Variants in ABCA3 observed in about 807,000 individuals in gnomAD.
The protein encoded by ABCA3 is phospholipid-transporting ATPase ABCA3.
Under a neutral mutation model 172.8 loss-of-function variants are expected in ABCA3, and 88 were observed. The ratio of observed to expected loss-of-function variants is 0.51; its 90% confidence interval spans 0.43 to 0.61. The LOEUF (loss-of-function observed/expected upper bound fraction) is 0.61. ABCA3 is among the 20% of genes least tolerant of loss of function. ABCA3 has a pLI of 0.00. For synonymous variants in ABCA3, 1,066 were observed against 983.8 expected (o/e 1.08, Z -1.56); for missense variants, 2,164 against 2,301.0 (o/e 0.94, Z 1.22).
In ABCA3 at chr16:2,288,299, T is replaced by G; in HGVS notation, c.2731A>C (p.Met911Leu). Residue 911 changes from methionine to leucine, a missense_variant, in exon 21 of 33, where the codon ATG (methionine) becomes CTG (leucine). This residue lies in a region of ABCA3 where 1,343 missense variants were observed against 1,369.6 expected (regional missense o/e 0.98). Transcript: ENST00000301732. ...LALHCQQFWA[M>L]FLKKAAYSWR... The stretch of plus-strand genomic sequence containing the variant: ...CTGTATGCGGCCTTCTTCAGGAACA[T>G]GGCCCAGAATTGCTGGCAGTGCAGG... 1 of 1,571,734 alleles carries G rather than the reference T, an allele frequency of 6.4e-7. No homozygotes were observed. Among genetic ancestry groups the G allele is most frequent in the Non-Finnish European group, 8.6e-7 (1 of 1,161,132 alleles).
At chr16:2,276,900 C>A in intron 32 of ABCA3, 95 bp from the exon 33 acceptor site, 1 of 1,534,392 alleles carries the variant, frequency 6.5e-7, no homozygotes, top group Non-Finnish European at 8.9e-7. Context: ...CTGATGAGGC[C>A]CCCACAATCC....
Position 2,278,078 on chromosome 16 carries a change from A to G in ABCA3, c.4719-9T>C, listed in dbSNP as rs749821726. 1.2e-6 allele frequency: 2 copies of G among 1,613,278 alleles called. No homozygotes were observed. The highest frequency in any genetic ancestry group is 1.7e-6 in the Non-Finnish European group (2 of 1,180,000). ...CCTCACACTCCTCCATGCTGTGGAG[A>G]GGGCGGGACCTCAGATAGGGCTTGG... On this transcript the variant is annotated splice_polypyrimidine_tract_variant and intron_variant, in intron 30 of 32. Transcript: ENST00000301732. The surrounding 1 kb of genome is among the most constrained non-coding windows in gnomAD (Gnocchi z 4.4).
rs1285281278 is a variant in ABCA3, at chr16:2,279,766, G to C, written c.4360-636C>G. 6.8e-6 allele frequency among the ~76,000 whole-genome samples: 1 copy of C among 147,376 alleles called. No homozygotes were observed. The highest frequency in any genetic ancestry group is 1.5e-5 in the Non-Finnish European group (1 of 67,148). ...AATTTTTTTTTTTTTTTTTGAGACA[G>C]AGTCTTACTCTGTCTCCCTTACACT... On this transcript the variant is annotated intron_variant, in intron 28 of 32. Transcript: ENST00000301732. This position sits in a 1 kb window ranked among gnomAD's most constrained non-coding sequence, Gnocchi z 4.4.
chr16:2,293,593 G>A (rs1217305654), intron 18 of ABCA3, among the ~76,000 whole-genome samples: 5 of 148,638 alleles, frequency 3.4e-5, no homozygotes, highest in Non-Finnish European at 6.0e-5. Context: ...GCTGGAGTGC[G>A]GTGGCGCGAT....
Position 2,286,000 on chromosome 16 carries a change from G to A in ABCA3, c.3279-354C>T, listed in dbSNP as rs1198518983. 6.6e-6 allele frequency among the ~76,000 whole-genome samples: 1 copy of A among 152,202 alleles called. No homozygotes were observed. Among genetic ancestry groups the A allele is most frequent in the African/African-American group, 2.4e-5 (1 of 41,454 alleles). ...AGGGAAAGCCTCTCCTGGCCTCTGT[G>A]TGTCATTCTAGGATCCTGAGTTGAT... On this transcript the variant is annotated intron_variant, in intron 22 of 32. Transcript: ENST00000301732. The surrounding 1 kb of genome is among the most constrained non-coding windows in gnomAD (Gnocchi z 4.7).
intron 12 of ABCA3, among the ~76,000 whole-genome samples, chr16:2,303,601 T>C (rs1168485194): frequency 1.3e-5 from 2 of 152,002 alleles, no homozygotes; most frequent in African/African-American, 2.4e-5. Flanking sequence ...AAGCTAGATT[T>C]TGTAGGTAGA....
At chr16:2,313,028 C>T (rs1177982783) in intron 10 of ABCA3, among the ~76,000 whole-genome samples, 1 of 151,946 alleles carries the variant, frequency 6.6e-6, no homozygotes, top group Non-Finnish European at 1.5e-5. Flanking sequence ...GCACTCCAGC[C>T]TGGGCAACAG....
chr16:2,304,024 T>A lies in ABCA3; in HGVS notation c.1412A>T (p.Glu471Val). 1 of 1,614,104 alleles carries A rather than the reference T, an allele frequency of 6.2e-7. No homozygotes were observed. The highest frequency in any genetic ancestry group is 8.5e-7 in the Non-Finnish European group (1 of 1,180,012). ...VLYGLVTWYM[E>V]AVFPGQFGVP... The stretch of plus-strand genomic sequence containing the variant: ...GCCGAACTGCCCTGGGAAGACGGCC[T>A]CCATGTACCAGGTCACCAGGCCATA... The change falls in exon 12 of 33, where the codon GAG becomes GTG. Residue 471 changes from glutamate (E) to valine (V), a missense_variant. Coordinates refer to ENST00000301732, the MANE Select transcript of ABCA3 (RefSeq NM_001089.3).
In ABCA3 at chr16:2,297,743, T is replaced by C; in HGVS notation, c.2052+23A>G. On this transcript the variant is annotated intron_variant, in intron 16 of 32. Transcript: ENST00000301732. The surrounding 1 kb of genome is among the most constrained non-coding windows in gnomAD (Gnocchi z 5.6). ...CAGGTCGAGCAGGAGGGGAACCCAC[T>C]GCCTCCAGTCCCACCGCCACACCTT... The C allele has an allele frequency of 6.2e-7, 1 of 1,608,048 alleles. No homozygotes were observed. Among genetic ancestry groups the C allele is most frequent in the Admixed American group, 1.7e-5 (1 of 60,012 alleles).
At position 2,328,492 on chromosome 16, in the gene ABCA3, C is replaced by T. The variant is rs757794669; in HGVS notation, c.-66G>A. 11 of 511,274 alleles carry T rather than the reference C, an allele frequency of 2.2e-5. No homozygotes were observed. The highest frequency in any genetic ancestry group is 4.3e-5 in the South Asian group (3 of 69,666). The allele number at this position is 511,274 out of a possible 1,614,324, so 31.7% of individuals were successfully genotyped here. On this transcript the variant is annotated 5_prime_UTR_variant, in exon 3 of 33. Coordinates refer to ENST00000301732, the MANE Select transcript of ABCA3 (RefSeq NM_001089.3). ...GGTGGTCTGAGTAAGTTCAAGTAGG[C>T]GCTGCAACCCGCAGGAAATAGGAGA...
intron 18 of ABCA3, 114 bp downstream of exon 18, chr16:2,295,476 G>T: frequency 6.6e-7 from 1 of 1,519,606 alleles, no homozygotes; most frequent in South Asian, 1.1e-5. Flanking sequence ...TAAGAGTGCC[G>T]ACTGGCCAGG....
At chr16:2,307,033 A>G (rs1461900473) in intron 11 of ABCA3, among the ~76,000 whole-genome samples, 3 of 151,172 alleles carry the variant, frequency 2.0e-5, no homozygotes, top group Admixed American at 1.3e-4. Flanking sequence ...AAAAAAAAAA[A>G]AAAAAAGAAA....
rs45592133 is a variant in ABCA3 at position 2,324,548 on chromosome 16, C to T, written c.320-17G>A. 0.014 allele frequency: 21,799 copies of T among 1,607,634 alleles called. 215 individuals are homozygous for T. Among genetic ancestry groups the T allele is most frequent in the South Asian group, 0.024 (2,180 of 90,990 alleles). On this transcript the variant is annotated splice_polypyrimidine_tract_variant and intron_variant, in intron 5 of 32. Coordinates refer to ENST00000301732, the MANE Select transcript of ABCA3 (RefSeq NM_001089.3). The stretch of plus-strand genomic sequence containing the variant: ...AGCCGCGCACTGCAAAGAGAGAGCA[C>T]GGGAGCTGTGGTTGCCCAATCGGCC...
intron 8 of ABCA3, among the ~76,000 whole-genome samples, chr16:2,319,329 C>CAA (rs201129831): frequency 3.3e-5 from 5 of 151,928 alleles, no homozygotes; most frequent in Non-Finnish European, 7.4e-5. Context: ...ACTAAAAATA[C>CAA]AAAAAATTAG....
rs45477097 is a variant in ABCA3, at chr16:2,276,666, G to A, written c.*8C>T. ...GTCCCTGCCTGATGGCGAGACAGCCGCCACCCCTCATCGCCCCTCCTCTGC... is the reference window on the plus strand; with the variant it reads ...GTCCCTGCCTGATGGCGAGACAGCCACCACCCCTCATCGCCCCTCCTCTGC... On this transcript the variant is annotated 3_prime_UTR_variant, in exon 33 of 33. Transcript: ENST00000301732. 9.5e-5 allele frequency: 153 copies of A among 1,612,502 alleles called. 1 individual carries two copies. The South Asian group carries it at 1.3e-3, about 13-fold the overall frequency.
chr16:2,303,843 G>C (rs1208900318), intron 12 of ABCA3, 126 bp downstream of exon 12: 2 of 1,090,366 alleles, frequency 1.8e-6, no homozygotes. Context: ...GCACAGGGCA[G>C]GGTTCTGTGT....
intron 11 of ABCA3, among the ~76,000 whole-genome samples, chr16:2,308,042 AAC>A (rs751014269): frequency 8.5e-5 from 13 of 152,354 alleles, no homozygotes; most frequent in Non-Finnish European, 1.5e-4. Flanking sequence ...CAGGCTGGGC[AAC>A]ACAGTGAGAC....
intron 19 of ABCA3, 76 bp downstream of exon 19, chr16:2,292,064 A>C: frequency 2.6e-6 from 3 of 1,162,788 alleles, no homozygotes; most frequent in Non-Finnish European, 2.6e-6. Flanking sequence ...CTAGAGTGAA[A>C]CTCCATCTCA....
chr16:2,338,233 T>G (rs961301670), intron 1 of ABCA3, among the ~76,000 whole-genome samples: 2 of 152,016 alleles, frequency 1.3e-5, no homozygotes, highest in African/African-American at 4.8e-5. Flanking sequence ...CCACAAACAC[T>G]CTGAGCCATT....
Sources: gnomAD v4.1 joint callset for allele counts (sites outside exome capture counted in the v4.1 genomes callset) on GRCh38, gnomAD v4.1.1 for gene constraint, gnomAD v4.1.1 regional missense constraint, Gnocchi (gnomAD v3.1) non-coding constraint, MANE v1.5 for transcripts, NCBI Gene and HGNC (gene_info 2026-07-23, HGNC 2026-07-21) for gene names.